ELOVL6: variants seen among roughly 807,000 people sequenced by gnomAD.
The protein encoded by ELOVL6 is very long chain fatty acid elongase 6.
Under a neutral mutation model 31.7 loss-of-function variants are expected in ELOVL6, and 8 were observed. The ratio of observed to expected loss-of-function variants is 0.25; its 90% CI spans 0.15 to 0.45. ELOVL6 has a LOEUF of 0.45. Ranked by LOEUF, ELOVL6 falls within the 20% of genes least tolerant of loss-of-function variation. ELOVL6 has a pLI of 1.00. For synonymous variants in ELOVL6, 101 were observed against 117.7 expected (o/e 0.86, Z 0.92); for missense variants, 126 against 326.4 (o/e 0.39, Z 4.73).
rs1238347651 is a variant in ELOVL6 at position 110,084,002 on chromosome 4, G to A, written c.221+21495C>T. Among the ~76,000 whole-genome samples, 73 of 9,112 alleles carry A rather than the reference G, an allele frequency of 8.0e-3. 9 individuals carry two copies. The highest frequency in any genetic ancestry group is 0.17 in the Middle Eastern group (1 of 6). The allele number at this position is 9,112 out of a possible 152,430, so 6.0% of individuals were successfully genotyped here. On this transcript the variant is annotated intron_variant, in intron 2 of 3. Coordinates refer to ENST00000302274, the MANE Select transcript of ELOVL6 (RefSeq NM_024090.3). ...ATGCCATATACGATATATAACATAT[G>A]CCATATATGGTATATAACATATGCC...
chr4:110,141,795 T>C (rs976655296), intron 1 of ELOVL6, among the ~76,000 whole-genome samples: 31 of 144,640 alleles, frequency 2.1e-4, no homozygotes, highest in African/African-American at 7.8e-4. Context: ...GTATATATAC[T>C]AATACAATGT....
chr4:110,051,266 C>T lies in ELOVL6; in HGVS notation c.*72G>A, dbSNP rs1383399654. On this transcript the variant is annotated 3_prime_UTR_variant, in exon 4 of 4. Coordinates refer to ENST00000302274, the MANE Select transcript of ELOVL6 (RefSeq NM_024090.3). The surrounding 1 kb of genome is among the most constrained non-coding windows in gnomAD (Gnocchi z 4.8). The stretch of plus-strand genomic sequence containing the variant: ...GTTTTAGCTGCACCACGTGTGATTC[C>T]TTGTGCCATTTTCTTTTGTCTATTA... 3 of 1,485,660 alleles carry T rather than the reference C, an allele frequency of 2.0e-6. No individual in the cohort carries two copies. The African/African-American group carries it at 4.2e-5, about 21-fold the overall frequency. 92.0% of individuals were successfully genotyped at this position (1,485,660 alleles called of 1,614,324 possible). A position where few individuals can be genotyped will look rare whatever the true frequency, so the allele number is the denominator to read the frequency against.
At chr4:110,081,962 A>C (rs539698620) in intron 2 of ELOVL6, among the ~76,000 whole-genome samples, 230 of 151,624 alleles carry the variant, frequency 1.5e-3, no homozygotes, top group Admixed American at 3.5e-3. Context: ...TGAAAAGAAG[A>C]CATTTATGCA....
At chr4:110,132,382 T>G (rs1415039733) in intron 1 of ELOVL6, among the ~76,000 whole-genome samples, 1 of 152,088 alleles carries the variant, frequency 6.6e-6, no homozygotes, top group East Asian at 1.9e-4. Flanking sequence ...AATACAGTAA[T>G]TATTCCATAT....
chr4:110,185,443 T>C (rs1382988244), intron 1 of ELOVL6, among the ~76,000 whole-genome samples: 1 of 152,190 alleles, frequency 6.6e-6, no homozygotes, highest in East Asian at 1.9e-4. Context: ...TAGTACAGAC[T>C]TACTGTGTTG....
chr4:110,103,256 G>C (rs1365089664), intron 2 of ELOVL6, among the ~76,000 whole-genome samples: 1 of 151,740 alleles, frequency 6.6e-6, no homozygotes, highest in Non-Finnish European at 1.5e-5. Flanking sequence ...TCCAGTTCTG[G>C]ACAAGAAATA....
Position 110,049,540 on chromosome 4 carries a change from T to C in ELOVL6, c.*1798A>G, listed in dbSNP as rs1754783115. ...ATAATATAAAAATAATTCGAAAAAA[T>C]CCCTTTTACTGTACACTCTCAAAGC... On this transcript the variant is annotated 3_prime_UTR_variant, in exon 4 of 4. Transcript: ENST00000302274. The C allele has an allele frequency of 6.6e-6, 1 of 152,276 alleles. No homozygotes were observed. The highest frequency in any genetic ancestry group is 1.5e-5 in the Non-Finnish European group (1 of 67,970). The allele number at this position is 152,276 out of a possible 1,614,324, so 9.4% of individuals were successfully genotyped here.
At chr4:110,191,292 T>C (rs12504538) in intron 1 of ELOVL6, among the ~76,000 whole-genome samples, 3,163 of 152,308 alleles carry the variant, frequency 0.021, 211 homozygotes, top group Admixed American at 0.13. Context: ...GGAATGAAGT[T>C]ATGAGTTTTA....
At chr4:110,119,803 T>C (rs62326560) in intron 1 of ELOVL6, among the ~76,000 whole-genome samples, 38,187 of 152,046 alleles carry the variant, frequency 0.25, 5,105 homozygotes, top group East Asian at 0.43. Context: ...ATAGCTCCCA[T>C]TTCTTCATAA....
intron 1 of ELOVL6, among the ~76,000 whole-genome samples, chr4:110,149,577 G>C (rs1400802441): frequency 6.6e-6 from 1 of 152,200 alleles, no homozygotes; most frequent in Non-Finnish European, 1.5e-5. Context: ...AATTTGTACA[G>C]AAGAAGCAGA....
intron 1 of ELOVL6, among the ~76,000 whole-genome samples, chr4:110,157,670 CAA>C: frequency 7.5e-6 from 1 of 133,686 alleles, no homozygotes; most frequent in African/African-American, 2.8e-5. Flanking sequence ...GGCTCCGTCT[CAA>C]AAAAAAAAAA....
chr4:110,124,250 T>C (rs1239751997), intron 1 of ELOVL6, among the ~76,000 whole-genome samples: 1 of 152,202 alleles, frequency 6.6e-6, no homozygotes, highest in African/African-American at 2.4e-5. Context: ...GTTTGCTTAT[T>C]GCATACGTAT....
At chr4:110,123,268 T>C (rs1379618389) in intron 1 of ELOVL6, among the ~76,000 whole-genome samples, 1 of 152,200 alleles carries the variant, frequency 6.6e-6, no homozygotes, top group Admixed American at 6.6e-5. Context: ...CAGTAAAAAT[T>C]GTATTTTCTT....
chr4:110,075,526 T>A (rs913628912), intron 2 of ELOVL6, among the ~76,000 whole-genome samples: 1 of 152,160 alleles, frequency 6.6e-6, no homozygotes, highest in Non-Finnish European at 1.5e-5. Flanking sequence ...AGACAAATAC[T>A]GTATGATTCT....
Position 110,160,113 on chromosome 4 carries a change from A to AACACAC in ELOVL6, c.89+38128_89+38133dup, listed in dbSNP as rs59669268. 3.1e-3 allele frequency among the ~76,000 whole-genome samples: 470 copies of AACACAC among 149,418 alleles called. 1 individual carries two copies. The highest frequency in any genetic ancestry group is 9.7e-3 in the African/African-American group (394 of 40,804). On this transcript the variant is annotated intron_variant, in intron 1 of 3. Transcript: ENST00000302274. ...TACAACTTACACACACACACACACA[A>AACACAC]ACACACACACACACACACAAACACT... is the stretch of plus-strand genomic sequence containing the variant.
chr4:110,100,681 CT>C (rs1331374444), intron 2 of ELOVL6, among the ~76,000 whole-genome samples: 1 of 152,190 alleles, frequency 6.6e-6, no homozygotes, highest in Non-Finnish European at 1.5e-5. Context: ...AAAAATTCCT[CT>C]TTTTGGTGAT....
chr4:110,078,893 A>G (rs1755741899), intron 2 of ELOVL6, among the ~76,000 whole-genome samples: 1 of 152,222 alleles, frequency 6.6e-6, no homozygotes, highest in African/African-American at 2.4e-5. Flanking sequence ...GGATGGAGGA[A>G]GATCTACCAA....
chr4:110,078,929 A>T (rs888949620), intron 2 of ELOVL6, among the ~76,000 whole-genome samples: 57 of 152,204 alleles, frequency 3.7e-4, no homozygotes, highest in Admixed American at 9.8e-4. Context: ...AAAAAGGCAG[A>T]GGTTGCAATC....
chr4:110,120,801 T>TTTC (rs1553959046), intron 1 of ELOVL6, among the ~76,000 whole-genome samples: 9 of 139,866 alleles, frequency 6.4e-5, no homozygotes, highest in Non-Finnish European at 1.1e-4. Context: ...TTCTTTTCTT[T>TTTC]TTTTTTTTTT....
Sources: allele counts gnomAD v4.1 joint callset (sites outside exome capture counted in the v4.1 genomes callset), GRCh38; gene constraint gnomAD v4.1.1; non-coding constraint Gnocchi (gnomAD v3.1); transcripts MANE v1.5; gene names NCBI Gene and HGNC (gene_info 2026-07-23, HGNC 2026-07-21).